CSNK1D: variants seen among roughly 807,000 people sequenced by gnomAD.
CSNK1D encodes casein kinase 1 delta, also known as casein kinase I isoform delta.
Under a neutral mutation model 46.6 loss-of-function variants are expected in CSNK1D, and 16 were observed. The ratio of observed to expected loss-of-function variants is 0.34; its 90% CI spans 0.23 to 0.52. The LOEUF is 0.52. CSNK1D is among the 20% of genes least tolerant of loss of function. The pLI, the probability that CSNK1D is intolerant of heterozygous loss-of-function variation, is 0.95. For missense variants in CSNK1D, 398 were observed against 578.4 expected (o/e 0.69, Z 3.20); for synonymous variants, 276 against 228.2 (o/e 1.21, Z -1.89).
In CSNK1D at chr17:82,243,066, C is replaced by T. The variant is rs2050767856; in HGVS notation, c.*1715G>A. 1.0e-6 allele frequency: 1 copy of T among 985,370 alleles called. No individual in the cohort carries two copies. Among genetic ancestry groups the T allele is most frequent in the African/African-American group, 1.7e-5 (1 of 57,242 alleles). The allele number at this position is 985,370 out of a possible 1,614,324, so 61.0% of individuals were successfully genotyped here. ...TAACTCGGCTCTGACCCACCCCAAC[C>T]TCCCTCTGTACTTCAACACACAGCT... On this transcript the variant is annotated 3_prime_UTR_variant, in exon 9 of 9. Coordinates refer to ENST00000314028, the MANE Select transcript of CSNK1D (RefSeq NM_001893.6).
At chr17:82,245,221 G>A (rs2050819427) in intron 8 of CSNK1D, 1 of 384,094 alleles carries the variant, frequency 2.6e-6, no homozygotes, top group South Asian at 2.4e-5. Context: ...AGTGTGCACA[G>A]TGTGAAAACT....
chr17:82,239,956 G>A, downstream of CSNK1D: 1 of 1,229,486 alleles, frequency 8.1e-7, no homozygotes, highest in Non-Finnish European at 1.0e-6. Context: ...TGGGAGCCCG[G>A]TCAGAGGCCG....
rs1455847248 is a variant in CSNK1D, at chr17:82,249,734, C to T, written c.886-132G>A. 1 of 1,508,888 alleles carries T rather than the reference C, an allele frequency of 6.6e-7. No homozygotes were observed. Among genetic ancestry groups the T allele is most frequent in the Non-Finnish European group, 8.8e-7 (1 of 1,131,864 alleles). 93.5% of individuals were successfully genotyped at this position (1,508,888 alleles called of 1,614,324 possible). A position where few individuals can be genotyped will look rare whatever the true frequency, so the allele number is the denominator to read the frequency against. Reference sequence around the variant, plus strand: ...GGGACGAGACTGCCTGCAAAGCCCCCCACAGGCTGCACGTTTCTCCTCATG... The same window carrying T: ...GGGACGAGACTGCCTGCAAAGCCCCTCACAGGCTGCACGTTTCTCCTCATG... On this transcript the variant is annotated intron_variant, in intron 6 of 8. Transcript: ENST00000314028. This position sits in a 1 kb window ranked among gnomAD's most constrained non-coding sequence, Gnocchi z 6.7.
In CSNK1D at chr17:82,244,373, C is replaced by T; in HGVS notation, c.*408G>A. 1 of 1,112,744 alleles carries T rather than the reference C, an allele frequency of 9.0e-7. No individual in the cohort carries two copies. Among genetic ancestry groups the T allele is most frequent in the Non-Finnish European group, 1.1e-6 (1 of 903,866 alleles). The allele number at this position is 1,112,744 out of a possible 1,614,324, so 68.9% of individuals were successfully genotyped here. A position where few individuals can be genotyped will look rare whatever the true frequency, so the allele number is the denominator to read the frequency against. ...AATAAAAAGACAGATTTTCTTTACACAGATTTAAGCCAATAATTTTTAGCA... is the reference window on the plus strand; with the variant it reads ...AATAAAAAGACAGATTTTCTTTACATAGATTTAAGCCAATAATTTTTAGCA... On this transcript the variant is annotated 3_prime_UTR_variant, in exon 9 of 9. Transcript: ENST00000314028.
chr17:82,241,623 C>T (rs1009767467), downstream of CSNK1D, among the ~76,000 whole-genome samples: 3 of 152,200 alleles, frequency 2.0e-5, no homozygotes, highest in Non-Finnish European at 4.4e-5. Context: ...GGCCGGTGAG[C>T]GGGGCAGGGG....
At chr17:82,267,042 A>G (rs2147219219) in intron 1 of CSNK1D, 1 of 144,692 alleles carries the variant, frequency 6.9e-6, no homozygotes, top group East Asian at 2.1e-4. Flanking sequence ...CCTGGGTGAC[A>G]GAGCGAGACA....
In CSNK1D at chr17:82,249,149, C is replaced by CAG; in HGVS notation, c.1058-136_1058-135insCT. 1 of 1,122,920 alleles carries CAG rather than the reference C, an allele frequency of 8.9e-7. No homozygotes were observed. The highest frequency in any genetic ancestry group is 1.3e-6 in the Non-Finnish European group (1 of 797,432). The allele number at this position is 1,122,920 out of a possible 1,614,324, so 69.6% of individuals were successfully genotyped here. On this transcript the variant is annotated intron_variant, in intron 7 of 8. Coordinates refer to ENST00000314028, the MANE Select transcript of CSNK1D (RefSeq NM_001893.6). The surrounding 1 kb of genome is among the most constrained non-coding windows in gnomAD (Gnocchi z 6.7). The stretch of plus-strand genomic sequence containing the variant: ...AGGACCTGGCTGTGGCCGATGGCCA[C>CAG]CAACACTCAGATCCGGCCGGAGGGA...
chr17:82,252,303 T>C lies in CSNK1D; in HGVS notation c.736+131A>G. On this transcript the variant is annotated intron_variant, in intron 5 of 8. Coordinates refer to ENST00000314028, the MANE Select transcript of CSNK1D (RefSeq NM_001893.6). This position sits in a 1 kb window ranked among gnomAD's most constrained non-coding sequence, Gnocchi z 4.6. ...ACCTCCATACACAAAAGCGCCCCGC[T>C]TTCCTGCCACCACCCCTTTGGAAGG... 9.2e-7 allele frequency: 1 copy of C among 1,087,718 alleles called. No individual in the cohort carries two copies. Among genetic ancestry groups the C allele is most frequent in the Non-Finnish European group, 1.4e-6 (1 of 705,842 alleles). 67.4% of individuals were successfully genotyped at this position (1,087,718 alleles called of 1,614,324 possible). A position where few individuals can be genotyped will look rare whatever the true frequency, so the allele number is the denominator to read the frequency against.
downstream of CSNK1D, chr17:82,240,094 C>T (rs191949364): frequency 1.6e-6 from 2 of 1,231,360 alleles, no homozygotes; most frequent in Admixed American, 4.2e-5. Flanking sequence ...AAGTGCACAT[C>T]TCAGGTCCAG....
At chr17:82,239,946 TG>T, downstream of CSNK1D, 1 of 1,214,354 alleles carries the variant, frequency 8.2e-7, no homozygotes, top group Non-Finnish European at 1.0e-6. Context: ...CCTGCGTGGC[TG>T]GGAGCCCGGT....
intron 1 of CSNK1D, among the ~76,000 whole-genome samples, chr17:82,269,556 T>G (rs1010224823): frequency 1.3e-5 from 2 of 152,198 alleles, no homozygotes; most frequent in African/African-American, 4.8e-5. Context: ...AAGATGCTTG[T>G]GCACATTATG....
rs138242223 is a variant in CSNK1D at position 82,252,318 on chromosome 17, C to A, written c.736+116G>T. 2.8e-4 allele frequency: 334 copies of A among 1,212,100 alleles called. 3 individuals are homozygous for A. The African/African-American group carries it at 4.6e-3, about 17-fold the overall frequency. 75.1% of individuals were successfully genotyped at this position (1,212,100 alleles called of 1,614,324 possible). A position where few individuals can be genotyped will look rare whatever the true frequency, so the allele number is the denominator to read the frequency against. The stretch of plus-strand genomic sequence containing the variant: ...AGCGCCCCGCTTTCCTGCCACCACC[C>A]CTTTGGAAGGTGAGCAACTCTTCTG... On this transcript the variant is annotated intron_variant, in intron 5 of 8. Coordinates refer to ENST00000314028, the MANE Select transcript of CSNK1D (RefSeq NM_001893.6). The surrounding 1 kb of genome is among the most constrained non-coding windows in gnomAD (Gnocchi z 4.6).
chr17:82,239,230 C>T, downstream of CSNK1D: 1 of 279,952 alleles, frequency 3.6e-6, no homozygotes, highest in East Asian at 5.9e-5. Context: ...GCCTGCTGCT[C>T]CCAGGTGGCC....
Position 82,273,518 on chromosome 17 carries a change from C to T in CSNK1D, c.-137G>A. The T allele has an allele frequency of 9.3e-7, 1 of 1,071,088 alleles. No homozygotes were observed. The highest frequency in any genetic ancestry group is 1.4e-6 in the Non-Finnish European group (1 of 740,154). 66.3% of individuals were successfully genotyped at this position (1,071,088 alleles called of 1,614,324 possible). On this transcript the variant is annotated 5_prime_UTR_variant, in exon 1 of 9. Coordinates refer to ENST00000314028, the MANE Select transcript of CSNK1D (RefSeq NM_001893.6). This position sits in a 1 kb window ranked among gnomAD's most constrained non-coding sequence, Gnocchi z 5.1. ...CCTCACGGCCCCGCTTTCACCATCG[C>T]TTTCCTGTCGCCCCGCCGCTCCCAG...
intron 2 of CSNK1D, among the ~76,000 whole-genome samples, chr17:82,259,036 G>T (rs2051259001): frequency 6.6e-6 from 1 of 152,202 alleles, no homozygotes. Context: ...GGATGTCGAT[G>T]GGAACGTCAT....
intron 1 of CSNK1D, among the ~76,000 whole-genome samples, chr17:82,271,307 C>G (rs2051617071): frequency 6.6e-6 from 1 of 152,160 alleles, no homozygotes; most frequent in African/African-American, 2.4e-5. Flanking sequence ...TGACCTCAAG[C>G]GACCCGCCCA....
chr17:82,251,390 T>C lies in CSNK1D; in HGVS notation c.874A>G (p.Met292Val). 1 of 1,614,110 alleles carries C rather than the reference T, an allele frequency of 6.2e-7. No individual in the cohort carries two copies. The highest frequency in any genetic ancestry group is 8.5e-7 in the Non-Finnish European group (1 of 1,180,000). Reference protein sequence around the residue: ...FSYDYVFDWNMLKFGASRAAD... With the variant: ...FSYDYVFDWNVLKFGASRAAD... ...GCAGTGCGACTTACAAATTTGAGCA[T>C]GTTCCAGTCGAACACGTAGTCATAG... is the stretch of plus-strand genomic sequence containing the variant. The change falls in exon 6 of 9, where the codon ATG becomes GTG. Residue 292 changes from methionine to valine, a missense_variant. Around this residue, in one of 2 missense-constraint regions of CSNK1D, gnomAD observed 181 missense variants for 208.0 expected, o/e 0.87. Transcript: ENST00000314028. The surrounding 1 kb of genome is among the most constrained non-coding windows in gnomAD (Gnocchi z 4.5).
downstream of CSNK1D, chr17:82,239,840 G>A (rs991488494): frequency 2.2e-5 from 10 of 449,168 alleles, no homozygotes; most frequent in Non-Finnish European, 3.7e-5. Context: ...CAGTGCCCAG[G>A]GCTGGTCTTT....
intron 8 of CSNK1D, chr17:82,246,217 G>C: frequency 1.3e-6 from 2 of 1,511,070 alleles, no homozygotes; most frequent in Non-Finnish European, 1.8e-6. Flanking sequence ...CGGGCCTCTG[G>C]ATGAGAGTGG....
Sources: gnomAD v4.1 joint callset for allele counts (sites outside exome capture counted in the v4.1 genomes callset) on GRCh38, gnomAD v4.1.1 for gene constraint, gnomAD v4.1.1 regional missense constraint, Gnocchi (gnomAD v3.1) non-coding constraint, MANE v1.5 for transcripts, NCBI Gene and HGNC (gene_info 2026-07-23, HGNC 2026-07-21) for gene names.